CYFIP2: variants seen among roughly 807,000 people sequenced by gnomAD.
CYFIP2 encodes cytoplasmic FMR1 interacting protein 2, also known as cytoplasmic FMR1-interacting protein 2.
Under a neutral mutation model 158.7 loss-of-function variants are expected in CYFIP2, and 29 were observed. The observed-to-expected ratio is 0.18, with a 90% CI of 0.14 to 0.25. The LOEUF (loss-of-function observed/expected upper bound fraction) is 0.25, where lower values mean the gene tolerates loss of function less well. Ranked by LOEUF, CYFIP2 falls within the 10% of genes least tolerant of loss-of-function variation. CYFIP2 has a pLI of 1.00. For missense variants in CYFIP2, 852 were observed against 1,639.5 expected (o/e 0.52, Z 8.29); for synonymous variants, 585 against 617.6 (o/e 0.95, Z 0.78).
intron 26 of CYFIP2, 130 bp from the exon 27 acceptor site, chr5:157,382,460 C>A (rs1040278437): frequency 2.3e-6 from 2 of 874,166 alleles, no homozygotes; most frequent in Non-Finnish European, 3.6e-6. Flanking sequence ...TGCCCAAGGT[C>A]ACAGTGAGTA....
chr5:157,373,419 C>T (rs1389358888), intron 26 of CYFIP2, among the ~76,000 whole-genome samples: 1 of 152,166 alleles, frequency 6.6e-6, no homozygotes, highest in African/African-American at 2.4e-5. Context: ...CTTTCTATCA[C>T]AGTGTCTGAA....
At chr5:157,286,196 T>C (rs371612424) in intron 2 of CYFIP2, among the ~76,000 whole-genome samples, 230 of 152,248 alleles carry the variant, frequency 1.5e-3, no homozygotes, top group African/African-American at 5.1e-3. Context: ...TTGATTCACA[T>C]CTTCTAACCC....
At chr5:157,384,407 T>C (rs755637427) in intron 28 of CYFIP2, 32 of 456,622 alleles carry the variant, frequency 7.0e-5, no homozygotes, top group Non-Finnish European at 1.4e-4. Flanking sequence ...GTTTAAGAGA[T>C]TTAGGATTGA....
intron 13 of CYFIP2, among the ~76,000 whole-genome samples, chr5:157,316,068 C>T (rs531660798): frequency 2.0e-4 from 31 of 151,442 alleles, no homozygotes; most frequent in African/African-American, 6.1e-4. Context: ...CCAGCCTGGG[C>T]GACAGAGTGA....
chr5:157,319,488 G>A (rs1015738253), intron 13 of CYFIP2, among the ~76,000 whole-genome samples: 10 of 152,234 alleles, frequency 6.6e-5, no homozygotes, highest in East Asian at 5.8e-4. Context: ...GAGCTCATGC[G>A]AGGATGAAAA....
At position 157,389,905 on chromosome 5, in the gene CYFIP2, C is replaced by T. The variant is rs576286671; in HGVS notation, c.3446+478C>T. ...TGATGGGGAACTGGGGACACCTGCC[C>T]GGGTTGGGGCTGCTGCTTGAGGACA... is the stretch of plus-strand genomic sequence containing the variant. On this transcript the variant is annotated intron_variant, in intron 29 of 30. Transcript: ENST00000620254. Among the ~76,000 whole-genome samples, 40 of 152,280 alleles carry T rather than the reference C, an allele frequency of 2.6e-4. No individual in the cohort carries two copies. In the South Asian group the frequency reaches 5.8e-3, roughly 22 times the overall value.
Position 157,330,784 on chromosome 5 carries a change from T to C in CYFIP2, c.2199T>C (p.Tyr733=), listed in dbSNP as rs1225394916. 1.9e-6 allele frequency: 3 copies of C among 1,614,052 alleles called. No individual in the cohort carries two copies. The highest frequency in any genetic ancestry group is 1.7e-5 in the Admixed American group (1 of 60,026). Reference sequence around the variant, plus strand: ...GTTTTCGAGCTGAGTGTAAGAATTATGGCGTCATCATTCCGTATCCACCGT... The same window carrying C: ...GTTTTCGAGCTGAGTGTAAGAATTACGGCGTCATCATTCCGTATCCACCGT... ...DKRFRAECKN[Y]GVIIPYPPSN... The change falls in exon 20 of 31, where the codon TAT becomes TAC. Residue 733 remains tyrosine, a synonymous_variant. Transcript: ENST00000620254.
chr5:157,348,949 C>CAAA (rs34773095), intron 23 of CYFIP2, among the ~76,000 whole-genome samples: 4 of 127,240 alleles, frequency 3.1e-5, no homozygotes, highest in East Asian at 2.4e-4. Flanking sequence ...GACTTCATCT[C>CAAA]AAAAAAAAAA....
At chr5:157,274,315 GTTTAAT>G (rs1756368704) in intron 1 of CYFIP2, among the ~76,000 whole-genome samples, 1 of 152,080 alleles carries the variant, frequency 6.6e-6, no homozygotes. Context: ...TTCTGGGCAT[GTTTAAT>G]AAATGGAACA....
At chr5:157,345,718 C>T (rs1762634528) in intron 23 of CYFIP2, 1 of 152,682 alleles carries the variant, frequency 6.5e-6, no homozygotes, top group Non-Finnish European at 1.5e-5. Flanking sequence ...AGATCAGCAT[C>T]ATTCACCATG....
rs730618 is a variant in CYFIP2 at position 157,324,168 on chromosome 5, G to A, written c.1825+94G>A. On this transcript the variant is annotated intron_variant, in intron 16 of 30. Coordinates refer to ENST00000620254, the MANE Select transcript of CYFIP2 (RefSeq NM_001037333.3). ...ACCAAGCCAGGCATTGCAAAGGGAC[G>A]TGACCGTTGACCCTAAGGGGCACAT... The A allele has an allele frequency of 1.3e-3, 1,800 of 1,416,342 alleles. 21 individuals are homozygous for A. The African/African-American group carries it at 0.023, about 18-fold the overall frequency. The allele number at this position is 1,416,342 out of a possible 1,614,324, so 87.7% of individuals were successfully genotyped here.
At chr5:157,315,198 C>T (rs944972760) in intron 13 of CYFIP2, 104 bp downstream of exon 13, 9 of 1,465,646 alleles carry the variant, frequency 6.1e-6, no homozygotes, top group Middle Eastern at 2.5e-4. Flanking sequence ...CCCTAATTTT[C>T]GTGCTCTTCC....
At chr5:157,312,892 T>G (rs1439344596) in intron 11 of CYFIP2, among the ~76,000 whole-genome samples, 1 of 152,232 alleles carries the variant, frequency 6.6e-6, no homozygotes, top group Admixed American at 6.5e-5. Context: ...TTTATTTCTT[T>G]TTTAAAAATA....
At chr5:157,309,950 A>G in intron 10 of CYFIP2, 116 bp downstream of exon 10, 1 of 1,008,822 alleles carries the variant, frequency 9.9e-7, no homozygotes, top group Non-Finnish European at 1.5e-6. Flanking sequence ...GGTGGATTCC[A>G]TCAGAACACA....
At chr5:157,327,331 A>T (rs1227563959) in intron 18 of CYFIP2, among the ~76,000 whole-genome samples, 2 of 152,168 alleles carry the variant, frequency 1.3e-5, no homozygotes, top group African/African-American at 4.8e-5. Context: ...TTGGGAGGCC[A>T]AGGTGGGTGG....
chr5:157,315,119 C>A (rs1429229471), intron 13 of CYFIP2, 25 bp downstream of exon 13: 2 of 1,611,678 alleles, frequency 1.2e-6, no homozygotes, highest in Non-Finnish European at 1.7e-6. Flanking sequence ...CCTGCATCTC[C>A]CTCCCTCCCC....
At chr5:157,350,627 T>C (rs1763003087) in intron 23 of CYFIP2, among the ~76,000 whole-genome samples, 1 of 152,354 alleles carries the variant, frequency 6.6e-6, no homozygotes, top group Middle Eastern at 3.4e-3. Flanking sequence ...CAGTTTCATA[T>C]TCATTTTAGC....
At chr5:157,351,879 TA>T (rs1382822992) in intron 23 of CYFIP2, among the ~76,000 whole-genome samples, 3 of 152,162 alleles carry the variant, frequency 2.0e-5, no homozygotes. Flanking sequence ...CCTGATGTGG[TA>T]GCGTCAGGGA....
intron 27 of CYFIP2, 81 bp downstream of exon 27, chr5:157,382,743 C>A (rs974025793): frequency 1.4e-6 from 2 of 1,392,250 alleles, no homozygotes; most frequent in Non-Finnish European, 2.0e-6. Context: ...CAACTCAGAT[C>A]TAGTCAGCAA....
Sources: allele counts gnomAD v4.1 joint callset (sites outside exome capture counted in the v4.1 genomes callset), GRCh38; gene constraint gnomAD v4.1.1; transcripts MANE v1.5; gene names NCBI Gene and HGNC (gene_info 2026-07-23, HGNC 2026-07-21).